UACA: variants seen among roughly 807,000 people sequenced by gnomAD.
UACA encodes nuclear membrane binding protein.
A neutral mutation model predicts 160.5 loss-of-function variants in UACA; 112 were observed. The observed-to-expected ratio is 0.70, with a 90% CI of 0.60 to 0.82. The LOEUF (loss-of-function observed/expected upper bound fraction) is 0.82, where lower values mean the gene tolerates loss of function less well. Among genes scored for constraint, UACA ranks in the 40% least tolerant of loss-of-function variants. UACA has a pLI of 0.00. For missense variants in UACA, 1,574 were observed against 1,614.6 expected, an observed-to-expected ratio of 0.97 and a Z score of 0.43; for synonymous variants, 557 against 568.4, an observed-to-expected ratio of 0.98 and a Z score of 0.29.
intron 1 of UACA, among the ~76,000 whole-genome samples, chr15:70,719,553 A>C (rs912434976): frequency 4.6e-5 from 7 of 152,226 alleles, no homozygotes; most frequent in Non-Finnish European, 8.8e-5. Flanking sequence ...AATCAAATAG[A>C]TAAAAAGAAA....
chr15:70,741,361 A>C (rs1025029248), intron 1 of UACA, among the ~76,000 whole-genome samples: 1 of 152,204 alleles, frequency 6.6e-6, no homozygotes, highest in African/African-American at 2.4e-5. Context: ...GTGCTGGATC[A>C]AACAGGGATC....
intron 1 of UACA, chr15:70,758,783 C>T (rs1029068864): frequency 2.0e-5 from 3 of 152,154 alleles, no homozygotes; most frequent in African/African-American, 7.2e-5. Context: ...TTATAAAATT[C>T]ACTGCCCCAT....
At chr15:70,690,424 T>C (rs765220390) in intron 5 of UACA, 30 bp downstream of exon 5, 38 of 1,602,468 alleles carry the variant, frequency 2.4e-5, no homozygotes, top group Non-Finnish European at 2.2e-5. Context: ...TTTTAACAAA[T>C]ATTTGTATCC....
At chr15:70,754,166 T>C in intron 1 of UACA, 1 of 456,010 alleles carries the variant, frequency 2.2e-6, no homozygotes, top group South Asian at 1.5e-5. Context: ...TTATCCTAAC[T>C]GGTTGAGACA....
At chr15:70,718,321 AGAATGTG>A (rs1898884850) in intron 1 of UACA, among the ~76,000 whole-genome samples, 3 of 68,150 alleles carry the variant, frequency 4.4e-5, no homozygotes, top group African/African-American at 1.4e-4. Context: ...AGAGAGAGAG[AGAATGTG>A]TGTGTGTGTG....
chr15:70,754,876 T>A (rs2030321159), intron 1 of UACA, among the ~76,000 whole-genome samples: 1 of 152,218 alleles, frequency 6.6e-6, no homozygotes, highest in Non-Finnish European at 1.5e-5. Context: ...TGTATTATGA[T>A]TAAGGAAAAT....
intron 14 of UACA, 80 bp downstream of exon 14, chr15:70,671,885 T>A (rs1897151048): frequency 1.1e-5 from 14 of 1,241,976 alleles, no homozygotes; most frequent in Non-Finnish European, 1.6e-5. Flanking sequence ...TATTCCTGTA[T>A]AGTTAAACAA....
chr15:70,661,560 T>G (rs887872315), intron 17 of UACA: 2 of 152,142 alleles, frequency 1.3e-5, no homozygotes, highest in African/African-American at 4.8e-5. Context: ...ACAAAAAACC[T>G]TTCTTCTATT....
Position 70,657,082 on chromosome 15 carries a change from G to C in UACA, c.4225C>G (p.Gln1409Glu). Residue 1409 changes from glutamine (Q) to glutamate (E), a missense_variant, in exon 19 of 19, where the codon CAA becomes GAA. Gln to Glu is a conservative substitution (Grantham distance 29, BLOSUM62 2). Transcript: ENST00000322954. ...TAGCACACAAGCCCCTGCCGCATTT[G>C]TATGATCTGGAGCAGAGCCTCCTGA... ...DVQEALLQII[Q>E]MRQGLVC 1.9e-6 allele frequency: 3 copies of C among 1,614,136 alleles called. No individual in the cohort carries two copies. The highest frequency in any genetic ancestry group is 1.1e-5 in the South Asian group (1 of 91,082).
chr15:70,725,938 C>CTG (rs1899131260), intron 1 of UACA, among the ~76,000 whole-genome samples: 1 of 151,990 alleles, frequency 6.6e-6, no homozygotes, highest in Admixed American at 6.6e-5. Context: ...TGATCATTAC[C>CTG]CACTCCATGA....
At chr15:70,691,477 G>GT (rs1897933286) in intron 3 of UACA, 114 bp from the exon 4 acceptor site, 1 of 672,226 alleles carries the variant, frequency 1.5e-6, no homozygotes, top group Non-Finnish European at 2.5e-6. Flanking sequence ...TACTTAATCT[G>GT]TAAGTATACT....
At chr15:70,683,351 C>T (rs1897582692) in intron 8 of UACA, among the ~76,000 whole-genome samples, 3 of 151,688 alleles carry the variant, frequency 2.0e-5, no homozygotes, top group South Asian at 4.2e-4. Flanking sequence ...AAAGGGAGAC[C>T]CCATATCTAA....
chr15:70,752,822 T>C (rs181128405), intron 1 of UACA, among the ~76,000 whole-genome samples: 1 of 152,258 alleles, frequency 6.6e-6, no homozygotes, highest in East Asian at 1.9e-4. Flanking sequence ...GATGACAGTA[T>C]AATATACTGG....
rs564874590 is a variant in UACA at position 70,753,845 on chromosome 15, G to T, written c.78+9485C>A. On this transcript the variant is annotated intron_variant, in intron 1 of 18. Transcript: ENST00000322954. ...TGTTGAGACAGAGCCTCGCTCCATCGCCCAGGCTGGAGTGCAGTGGCGCGA... is the reference window on the plus strand; with the variant it reads ...TGTTGAGACAGAGCCTCGCTCCATCTCCCAGGCTGGAGTGCAGTGGCGCGA... Among the ~76,000 whole-genome samples, 3 of 152,120 alleles carry T rather than the reference G, an allele frequency of 2.0e-5. No homozygotes were observed. The South Asian group carries it at 6.2e-4, about 32-fold the overall frequency.
chr15:70,668,818 C>T lies in UACA; in HGVS notation c.1866G>A (p.Lys622=), dbSNP rs1205237913. The change falls in exon 16 of 19, where the codon AAG becomes AAA. Residue 622 remains lysine, a synonymous_variant. Transcript: ENST00000322954. ...MEGQAKELSA[K]LALSIPAEKF... is the part of the protein sequence containing the mutation. ...TTTCAGCTGGAATGGAAAGGGCCAA[C>T]TTCGCTGACAATTCTTTTGCCTGGC... The T allele has an allele frequency of 1.2e-6, 2 of 1,613,936 alleles. No individual in the cohort carries two copies. Among genetic ancestry groups the T allele is most frequent in the Non-Finnish European group, 1.7e-6 (2 of 1,180,010 alleles).
chr15:70,774,262 C>T, the UACA span, among the ~76,000 whole-genome samples: 1 of 151,952 alleles, frequency 6.6e-6, no homozygotes, highest in African/African-American at 2.4e-5. Context: ...ATATTAAAGA[C>T]TGGGCTGGGC....
chr15:70,674,917 C>A (rs1897262687), intron 13 of UACA, among the ~76,000 whole-genome samples: 1 of 152,124 alleles, frequency 6.6e-6, no homozygotes, highest in Non-Finnish European at 1.5e-5. Context: ...ACACTTAAGA[C>A]ATGCGAAAGT....
At chr15:70,716,791 A>G (rs1030540187) in intron 1 of UACA, among the ~76,000 whole-genome samples, 9 of 152,234 alleles carry the variant, frequency 5.9e-5, no homozygotes, top group African/African-American at 2.2e-4. Context: ...GCAAGTATTC[A>G]TTTAAAACCT....
chr15:70,720,756 A>G (rs1452856952), intron 1 of UACA, among the ~76,000 whole-genome samples: 1 of 152,230 alleles, frequency 6.6e-6, no homozygotes. Context: ...GTGGTAGATT[A>G]TATTACTGTT....
Sources: allele counts gnomAD v4.1 joint callset (sites outside exome capture counted in the v4.1 genomes callset), GRCh38; gene constraint gnomAD v4.1.1; transcripts MANE v1.5; gene names NCBI Gene and HGNC (gene_info 2026-07-23, HGNC 2026-07-21).